The following EPHA1 variants were observed in gnomAD, a reference collection of about 807,000 sequenced individuals.
EPHA1 encodes the protein ephrin type-A receptor 1.
EPHA1 carries 92 observed loss-of-function variants against 110.1 expected under a neutral mutation model. That is an observed-to-expected ratio of 0.84 (90% CI 0.71 to 0.99). EPHA1 has a LOEUF of 0.99. Among genes scored for constraint, EPHA1 ranks in the 50% least tolerant of loss-of-function variants. The pLI is 0.00. For synonymous variants in EPHA1, 500 were observed against 516.1 expected, an observed-to-expected ratio of 0.97 and a Z score of 0.42; for missense variants, 1,204 against 1,285.4, an observed-to-expected ratio of 0.94 and a Z score of 0.97.
chr7:143,403,548 T>C (rs2116635333), intron 2 of EPHA1, among the ~76,000 whole-genome samples: 1 of 152,304 alleles, frequency 6.6e-6, no homozygotes, highest in Middle Eastern at 3.4e-3. Context: ...AAAGAAATCA[T>C]GTACAGATTG....
At chr7:143,394,065 C>T (rs1805169235) in intron 15 of EPHA1, 129 bp downstream of exon 15, 11 of 1,339,544 alleles carry the variant, frequency 8.2e-6, no homozygotes, top group Admixed American at 4.4e-5. Context: ...CCAGAGGAGC[C>T]AGGAGTACAG....
chr7:143,408,706 G>A lies in EPHA1; in HGVS notation c.82+18C>T, dbSNP rs1165421542. ...GGCGGGGCGCGGGGGTTGGGGGCGC[G>A]GGGGCGGGGGTCGGTACCTTCCTTG... On this transcript the variant is annotated intron_variant, in intron 1 of 17. Coordinates refer to ENST00000275815, the MANE Select transcript of EPHA1 (RefSeq NM_005232.5). The A allele has an allele frequency of 3.5e-5, 21 of 608,140 alleles. No individual in the cohort carries two copies. Among genetic ancestry groups the A allele is most frequent in the Middle Eastern group, 5.0e-4 (1 of 2,004 alleles). 37.7% of individuals were successfully genotyped at this position (608,140 alleles called of 1,614,324 possible).
intron 2 of EPHA1, among the ~76,000 whole-genome samples, chr7:143,402,569 T>A (rs1805453677): frequency 6.6e-6 from 1 of 152,204 alleles, no homozygotes; most frequent in Non-Finnish European, 1.5e-5. Flanking sequence ...ATTTTTTGTA[T>A]TTTTAGTAGA....
intron 11 of EPHA1, 131 bp downstream of exon 11, chr7:143,396,254 A>G: frequency 1.6e-6 from 2 of 1,241,740 alleles, no homozygotes; most frequent in South Asian, 1.5e-5. Context: ...CAGAGTGAGT[A>G]CCTCTGGAAA....
In EPHA1 at chr7:143,395,622, T is replaced by A; in HGVS notation, c.1898-118A>T. 1 of 1,114,878 alleles carries A rather than the reference T, an allele frequency of 9.0e-7. No homozygotes were observed. Among genetic ancestry groups the A allele is most frequent in the Non-Finnish European group, 1.3e-6 (1 of 794,598 alleles). The allele number at this position is 1,114,878 out of a possible 1,614,324, so 69.1% of individuals were successfully genotyped here. A position where few individuals can be genotyped will look rare whatever the true frequency, so the allele number is the denominator to read the frequency against. On this transcript the variant is annotated intron_variant, in intron 11 of 17. Coordinates refer to ENST00000275815, the MANE Select transcript of EPHA1 (RefSeq NM_005232.5). The surrounding 1 kb of genome is among the most constrained non-coding windows in gnomAD (Gnocchi z 4.7). Reference sequence around the variant, plus strand: ...TTTCTGGAGAATCAGAAGCGTGGAGTGCCCTTCCTGGGACAGGGCGTGGGC... The same window carrying A: ...TTTCTGGAGAATCAGAAGCGTGGAGAGCCCTTCCTGGGACAGGGCGTGGGC...
Position 143,391,365 on chromosome 7 carries a change from G to T in EPHA1, c.*92C>A. The stretch of plus-strand genomic sequence containing the variant: ...CAGCACCGATAGCCTAGTCTGGCAG[G>T]TTGTGGGAAGGGGCGCAGGGAGTGA... On this transcript the variant is annotated 3_prime_UTR_variant, in exon 18 of 18. Transcript: ENST00000275815. 1 of 1,472,176 alleles carries T rather than the reference G, an allele frequency of 6.8e-7. No individual in the cohort carries two copies. Among genetic ancestry groups the T allele is most frequent in the Non-Finnish European group, 9.3e-7 (1 of 1,074,196 alleles). 91.2% of individuals were successfully genotyped at this position (1,472,176 alleles called of 1,614,324 possible). A position where few individuals can be genotyped will look rare whatever the true frequency, so the allele number is the denominator to read the frequency against.
At position 143,398,765 on chromosome 7, in the gene EPHA1, T is replaced by C. The variant is rs752219228; in HGVS notation, c.1172A>G (p.His391Arg). 12 of 1,613,862 alleles carry C rather than the reference T, an allele frequency of 7.4e-6. No homozygotes were observed. Among genetic ancestry groups the C allele is most frequent in the Non-Finnish European group, 8.5e-6 (10 of 1,179,964 alleles). Residue 391 changes from histidine (H) to arginine (R), a missense_variant, in exon 6 of 18, where the codon CAC becomes CGC. Transcript: ENST00000275815. ...GPCQPCGVGVHFSPGARGLTT... is the reference protein window; with the variant it reads ...GPCQPCGVGVRFSPGARGLTT... ...GAGCCCCCGGGCCCCCGGCGAGAAG[T>C]GCACGCCCACCCCACAGGGCTGGCA...
rs1472962432 is a variant in EPHA1, at chr7:143,391,278, C to A, written c.*179G>T. ...ATCCTTTTACTTCTACCCCCACCTC[C>A]CTTTTAAAACAAAGAGGTTTTCTGG... is the stretch of plus-strand genomic sequence containing the variant. On this transcript the variant is annotated 3_prime_UTR_variant, in exon 18 of 18. Coordinates refer to ENST00000275815, the MANE Select transcript of EPHA1 (RefSeq NM_005232.5). 15 of 687,726 alleles carry A rather than the reference C, an allele frequency of 2.2e-5. No individual in the cohort carries two copies. The highest frequency in any genetic ancestry group is 2.9e-5 in the Non-Finnish European group (12 of 409,180). The allele number at this position is 687,726 out of a possible 1,614,324, so 42.6% of individuals were successfully genotyped here.
At chr7:143,396,234 C>G in intron 11 of EPHA1, 151 bp downstream of exon 11, 1 of 1,109,302 alleles carries the variant, frequency 9.0e-7, no homozygotes, top group South Asian at 1.7e-5. Flanking sequence ...AAAGAGGATA[C>G]AGAGCAGAGC....
intron 1 of EPHA1, among the ~76,000 whole-genome samples, chr7:143,408,253 C>T (rs1250029976): frequency 6.6e-6 from 1 of 152,096 alleles, no homozygotes; most frequent in Admixed American, 6.5e-5. Context: ...ATGGAATATT[C>T]GACTCGGACA....
Position 143,401,247 on chromosome 7 carries a change from G to C in EPHA1, c.432+77C>G, listed in dbSNP as rs1000056958. 81 of 1,546,444 alleles carry C rather than the reference G, an allele frequency of 5.2e-5. No homozygotes were observed. The Admixed American group carries it at 1.4e-3, about 27-fold the overall frequency. Reference sequence around the variant, plus strand: ...ACCTCTGCACCCTCTTCCTGTCTCTGCAACCTTCTCTGGCACCCAATAAGG... The same window carrying C: ...ACCTCTGCACCCTCTTCCTGTCTCTCCAACCTTCTCTGGCACCCAATAAGG... On this transcript the variant is annotated intron_variant, in intron 3 of 17. Coordinates refer to ENST00000275815, the MANE Select transcript of EPHA1 (RefSeq NM_005232.5). This position sits in a 1 kb window ranked among gnomAD's most constrained non-coding sequence, Gnocchi z 4.1.
In EPHA1 at chr7:143,398,857, TC is replaced by T; in HGVS notation, c.1079del (p.Gly360AspfsTer9). The T allele has an allele frequency of 6.2e-7, 1 of 1,612,990 alleles. No homozygotes were observed. Among genetic ancestry groups the T allele is most frequent in the Admixed American group, 1.7e-5 (1 of 59,956 alleles). On this transcript the variant is annotated frameshift_variant, in exon 6 of 18. Transcript: ENST00000275815. LOFTEE classifies it high-confidence loss of function. ...TCACACTGTATCTGACATCCTGGCG[TC>T]CCCCCGTATCTGCTGGGGGTTCCCA... ...LRWEPPADTG[G>X]RQDVRYSVRC...
At position 143,408,761 on chromosome 7, in the gene EPHA1, G is replaced by GAGCAGC; in HGVS notation, c.39_44dup (p.Leu14_Leu15dup). ...GCGCCCCCGGGGGCAGCGGGGCGCAGAGCAGCAGCACCAGCCCTAGCCCCA... is the reference window on the plus strand; with the variant it reads ...GCGCCCCCGGGGGCAGCGGGGCGCAGAGCAGCAGCAGCAGCACCAGCCCTAGCCCCA... On this transcript the variant is annotated inframe_insertion, in exon 1 of 18. Coordinates refer to ENST00000275815, the MANE Select transcript of EPHA1 (RefSeq NM_005232.5). 3.5e-6 allele frequency: 4 copies of GAGCAGC among 1,134,908 alleles called. No homozygotes were observed. Among genetic ancestry groups the GAGCAGC allele is most frequent in the Non-Finnish European group, 4.4e-6 (4 of 900,892 alleles). The allele number at this position is 1,134,908 out of a possible 1,614,324, so 70.3% of individuals were successfully genotyped here. A position where few individuals can be genotyped will look rare whatever the true frequency, so the allele number is the denominator to read the frequency against.
intron 5 of EPHA1, 150 bp from the exon 6 acceptor site, chr7:143,399,095 T>C (rs989762574): frequency 6.5e-6 from 8 of 1,224,574 alleles, no homozygotes; most frequent in South Asian, 1.4e-5. Flanking sequence ...CATCTCTGCA[T>C]TCTTCTAGGG....
Position 143,398,672 on chromosome 7 carries a change from TG to T in EPHA1, c.1264del (p.Gln422LysfsTer32). On this transcript the variant is annotated frameshift_variant, in exon 6 of 18. Coordinates refer to ENST00000275815, the MANE Select transcript of EPHA1 (RefSeq NM_005232.5). LOFTEE classifies it high-confidence loss of function. ...YANYTFNVEAQNGVSGLGSSG... is the reference protein window; with the variant it reads ...YANYTFNVEAXNGVSGLGSSG... ...GCTGCCCAGCCCTGACACTCCATTT[TG>T]GGCTTCCACATTAAAGGTGTAGTTG... 6.2e-7 allele frequency: 1 copy of T among 1,614,100 alleles called. No individual in the cohort carries two copies. Among genetic ancestry groups the T allele is most frequent in the Non-Finnish European group, 8.5e-7 (1 of 1,179,990 alleles).
At chr7:143,400,383 G>A (rs924410562) in intron 3 of EPHA1, among the ~76,000 whole-genome samples, 1 of 152,196 alleles carries the variant, frequency 6.6e-6, no homozygotes, top group Non-Finnish European at 1.5e-5. Context: ...TACAATTTCT[G>A]CTATTCAGAG....
At chr7:143,397,730 C>T (rs766091682) in intron 8 of EPHA1, 73 bp from the exon 9 acceptor site, 329 of 1,581,078 alleles carry the variant, frequency 2.1e-4, no homozygotes, top group African/African-American at 3.0e-4. Context: ...AAGGGCAGGG[C>T]CCTGGGTACA....
Position 143,397,696 on chromosome 7 carries a change from A to T in EPHA1, c.1616-39T>A, listed in dbSNP as rs756672063. 8.1e-6 allele frequency: 13 copies of T among 1,610,374 alleles called. No individual in the cohort carries two copies. In the South Asian group the frequency reaches 1.3e-4, roughly 16 times the overall value. ...GGGATGAGGAAGTGTTGGGACTCAC[A>T]GTCCGTAGGAATGAGGGGGGTTAAA... On this transcript the variant is annotated intron_variant, in intron 8 of 17. Coordinates refer to ENST00000275815, the MANE Select transcript of EPHA1 (RefSeq NM_005232.5).
chr7:143,394,003 G>A (rs1047778432), intron 15 of EPHA1, 139 bp from the exon 16 acceptor site: 1 of 1,245,342 alleles, frequency 8.0e-7, no homozygotes, highest in Admixed American at 2.4e-5. Flanking sequence ...GACGATCACA[G>A]TGGGAGGATC....
Sources: gnomAD v4.1 joint callset for allele counts (sites outside exome capture counted in the v4.1 genomes callset) on GRCh38, gnomAD v4.1.1 for gene constraint, Gnocchi (gnomAD v3.1) non-coding constraint, MANE v1.5 for transcripts, NCBI Gene and HGNC (gene_info 2026-07-23, HGNC 2026-07-21) for gene names.